The following MACROD2 variants were observed in gnomAD, a reference collection of about 807,000 sequenced individuals.
The protein encoded by MACROD2 is ADP-ribose glycohydrolase MACROD2.
Under a neutral mutation model 70.4 loss-of-function variants are expected in MACROD2, and 36 were observed. The observed-to-expected ratio is 0.51, with a 90% CI of 0.39 to 0.68. The LOEUF is 0.68. Among genes scored for constraint, MACROD2 ranks in the 30% least tolerant of loss-of-function variants. MACROD2 has a pLI of 0.00. For synonymous variants in MACROD2, 172 were observed against 178.8 expected (o/e 0.96, Z 0.30); for missense variants, 496 against 538.4 (o/e 0.92, Z 0.78).
At chr20:14,757,788 A>G in intron 5 of MACROD2, 1 of 1,531,826 alleles carries the variant, frequency 6.5e-7, no homozygotes, top group Non-Finnish European at 9.0e-7. Context: ...GAGGGTATCC[A>G]GTATCTCCGT....
intron 8 of MACROD2, among the ~76,000 whole-genome samples, chr20:15,683,897 C>T (rs897581151): frequency 6.6e-6 from 1 of 152,056 alleles, no homozygotes; most frequent in African/African-American, 2.4e-5. Context: ...TTGCTGTTAT[C>T]ATTATTATTT....
intron 4 of MACROD2, among the ~76,000 whole-genome samples, chr20:14,596,806 C>T (rs1235433601): frequency 6.6e-6 from 1 of 152,096 alleles, no homozygotes; most frequent in Non-Finnish European, 1.5e-5. Context: ...GTTAATAACA[C>T]CTACCTCATT....
chr20:15,381,484 T>TG (rs1215264110), intron 6 of MACROD2, among the ~76,000 whole-genome samples: 1 of 149,096 alleles, frequency 6.7e-6, no homozygotes, highest in Non-Finnish European at 1.5e-5. Flanking sequence ...GTGGATCACT[T>TG]GAGTCCCATC....
At position 15,000,593 on chromosome 20, in the gene MACROD2, G is replaced by T. The variant is rs1015544412; in HGVS notation, c.419-229347G>T. 2.1e-4 allele frequency among the ~76,000 whole-genome samples: 22 copies of T among 105,510 alleles called. 1 individual carries two copies. In the Admixed American group the frequency reaches 2.7e-3, roughly 13 times the overall value. The allele number at this position is 105,510 out of a possible 152,430, so 69.2% of individuals were successfully genotyped here. A position where few individuals can be genotyped will look rare whatever the true frequency, so the allele number is the denominator to read the frequency against. The stretch of plus-strand genomic sequence containing the variant: ...AGCCGAGATTGCGCCACTGCAGTCC[G>T]CAGTCCGGCCTGGGCGACAGAGCGA... On this transcript the variant is annotated intron_variant, in intron 5 of 17. Coordinates refer to ENST00000684519, the MANE Select transcript of MACROD2 (RefSeq NM_001351661.2).
At chr20:15,058,903 G>A (rs946714029) in intron 5 of MACROD2, among the ~76,000 whole-genome samples, 1 of 152,190 alleles carries the variant, frequency 6.6e-6, no homozygotes, top group African/African-American at 2.4e-5. Context: ...GGAAGGAAGT[G>A]ACCCTTTCTA....
At chr20:14,564,934 C>A (rs906896690) in intron 4 of MACROD2, among the ~76,000 whole-genome samples, 21 of 151,968 alleles carry the variant, frequency 1.4e-4, no homozygotes, top group African/African-American at 4.6e-4. Context: ...TGGAATCAAC[C>A]TAAATGTTGA....
At chr20:15,379,005 G>C (rs768369573) in intron 6 of MACROD2, among the ~76,000 whole-genome samples, 1 of 152,068 alleles carries the variant, frequency 6.6e-6, no homozygotes, top group African/African-American at 2.4e-5. Flanking sequence ...GGAAGTCAAA[G>C]GAAAGCATTA....
In MACROD2 at chr20:14,453,537, C is replaced by T. The variant is rs535011734; in HGVS notation, c.272-39942C>T. Among the ~76,000 whole-genome samples, 29 of 152,242 alleles carry T rather than the reference C, an allele frequency of 1.9e-4. 1 individual carries two copies. The South Asian group carries it at 6.0e-3, about 32-fold the overall frequency. On this transcript the variant is annotated intron_variant, in intron 3 of 17. Transcript: ENST00000684519. ...AAACTGAGGCATATGCAGCATGCTT[C>T]AGTGATGGGAAGTTGATCAAATGCT... is the stretch of plus-strand genomic sequence containing the variant.
At position 15,678,116 on chromosome 20, in the gene MACROD2, T is replaced by C. The variant is rs182356309; in HGVS notation, c.645+178269T>C. 4.0e-3 allele frequency among the ~76,000 whole-genome samples: 602 copies of C among 152,220 alleles called. 3 individuals are homozygous for C. Among genetic ancestry groups the C allele is most frequent in the Non-Finnish European group, 7.1e-3 (480 of 67,996 alleles). ...CATACTCATAGCTATATATTTCACC[T>C]GAGATTTACCTGGTTAAATAACTTG... On this transcript the variant is annotated intron_variant, in intron 8 of 17. Transcript: ENST00000684519.
chr20:14,326,642 C>T lies in MACROD2; in HGVS notation c.272-166837C>T. 1.2e-6 allele frequency: 2 copies of T among 1,613,654 alleles called. No individual in the cohort carries two copies. The highest frequency in any genetic ancestry group is 1.7e-6 in the Non-Finnish European group (2 of 1,179,804). On this transcript the variant is annotated intron_variant, in intron 3 of 17. Transcript: ENST00000684519. The surrounding 1 kb of genome is among the most constrained non-coding windows in gnomAD (Gnocchi z 5.5). The stretch of plus-strand genomic sequence containing the variant: ...ATATTGTCCAAATCATCAAAGATAC[C>T]CTGAGGTAAATTACTTAGGTTATTA...
intron 5 of MACROD2, among the ~76,000 whole-genome samples, chr20:14,857,125 G>A (rs950711779): frequency 3.3e-5 from 5 of 152,074 alleles, no homozygotes; most frequent in African/African-American, 4.8e-5. Context: ...TATCTCCTCT[G>A]CTCCCCAATC....
chr20:14,231,170 G>C (rs1156662618), intron 3 of MACROD2, among the ~76,000 whole-genome samples: 1 of 151,156 alleles, frequency 6.6e-6, no homozygotes, highest in Non-Finnish European at 1.5e-5. Context: ...TAAGTTTTAG[G>C]GTACATGTGC....
At chr20:14,339,445 A>G (rs1228643387) in intron 3 of MACROD2, among the ~76,000 whole-genome samples, 1 of 152,242 alleles carries the variant, frequency 6.6e-6, no homozygotes, top group African/African-American at 2.4e-5. Context: ...AATTATTTCT[A>G]GAAGCCATTT....
At chr20:15,158,933 T>C (rs185078591) in intron 5 of MACROD2, among the ~76,000 whole-genome samples, 5 of 152,264 alleles carry the variant, frequency 3.3e-5, no homozygotes, top group African/African-American at 1.2e-4. Flanking sequence ...CATGGTTCTG[T>C]TCTTTTCCTT....
chr20:15,799,987 G>T (rs1033140849), intron 8 of MACROD2, among the ~76,000 whole-genome samples: 2 of 152,008 alleles, frequency 1.3e-5, no homozygotes, highest in Admixed American at 1.3e-4. Context: ...ACGCTGATTG[G>T]AGTGTAGTGG....
intron 5 of MACROD2, among the ~76,000 whole-genome samples, chr20:15,045,829 T>C (rs1229501782): frequency 6.8e-6 from 1 of 147,932 alleles, no homozygotes; most frequent in Non-Finnish European, 1.5e-5. Context: ...GGGAACTTCA[T>C]TATATTGAAG....
chr20:15,411,795 C>T (rs539402835), intron 6 of MACROD2, among the ~76,000 whole-genome samples: 422 of 152,320 alleles, frequency 2.8e-3, no homozygotes, highest in Middle Eastern at 6.8e-3. Context: ...TTTTCCAACC[C>T]ATAATCCCCC....
chr20:15,771,889 C>T (rs2051634244), intron 8 of MACROD2, among the ~76,000 whole-genome samples: 1 of 91,188 alleles, frequency 1.1e-5, no homozygotes, highest in Non-Finnish European at 2.1e-5. Flanking sequence ...TCAAGACCAT[C>T]CTTGGCTAAC....
At position 14,861,983 on chromosome 20, in the gene MACROD2, A is replaced by G. The variant is rs1447902747; in HGVS notation, c.418+177024A>G. 4.0e-4 allele frequency among the ~76,000 whole-genome samples: 23 copies of G among 57,412 alleles called. 2 individuals carry two copies. Among genetic ancestry groups the G allele is most frequent in the Admixed American group, 3.1e-4 (1 of 3,240 alleles). 37.7% of individuals were successfully genotyped at this position (57,412 alleles called of 152,430 possible). A position where few individuals can be genotyped will look rare whatever the true frequency, so the allele number is the denominator to read the frequency against. On this transcript the variant is annotated intron_variant, in intron 5 of 17. Coordinates refer to ENST00000684519, the MANE Select transcript of MACROD2 (RefSeq NM_001351661.2). ...TTGGAGGTTTTATATATAAATATATATATATATATTTATATATATATTTAT... is the reference window on the plus strand; with the variant it reads ...TTGGAGGTTTTATATATAAATATATGTATATATATTTATATATATATTTAT...
Sources: allele counts gnomAD v4.1 joint callset (sites outside exome capture counted in the v4.1 genomes callset), GRCh38; gene constraint gnomAD v4.1.1; non-coding constraint Gnocchi (gnomAD v3.1); transcripts MANE v1.5; gene names NCBI Gene and HGNC (gene_info 2026-07-23, HGNC 2026-07-21).